Variants in WNK2 observed in about 807,000 individuals in gnomAD.
The protein encoded by WNK2 is serine/threonine-protein kinase WNK2.
In WNK2, 67 loss-of-function variants were observed where a neutral mutation model predicts 192.1. The ratio of observed to expected loss-of-function variants is 0.35; its 90% CI spans 0.29 to 0.43. WNK2 has a LOEUF of 0.43. Among genes scored for constraint, WNK2 ranks in the 20% least tolerant of loss-of-function variants. WNK2 has a pLI of 1.00. For synonymous variants in WNK2, 1,439 were observed against 1,393.9 expected, an observed-to-expected ratio of 1.03 and a Z score of -0.72; for missense variants, 2,698 against 3,089.7, an observed-to-expected ratio of 0.87 and a Z score of 3.01.
chr9:93,231,667 G>C (rs867647132), intron 4 of WNK2, among the ~76,000 whole-genome samples: 1 of 152,234 alleles, frequency 6.6e-6, no homozygotes, highest in African/African-American at 2.4e-5. Context: ...CAGAGCAGGC[G>C]TTGTGCACAG....
intron 2 of WNK2, among the ~76,000 whole-genome samples, chr9:93,196,206 A>G (rs1831247063): frequency 1.3e-5 from 2 of 152,004 alleles, no homozygotes; most frequent in Non-Finnish European, 2.9e-5. Context: ...GTGGAGGGTC[A>G]CGGGCTCCCT....
At position 93,259,566 on chromosome 9, in the gene WNK2, G is replaced by A. The variant is rs150228351; in HGVS notation, c.3018G>A (p.Gln1006=). The change falls in exon 12 of 30, where the codon CAG becomes CAA. Residue 1006 remains glutamine, a synonymous_variant. Transcript: ENST00000427277. The surrounding 1 kb of genome is among the most constrained non-coding windows in gnomAD (Gnocchi z 4.8). The part of the protein sequence containing the change: ...PALPVRPEPL[Q]PHLPEQAAPA... Reference sequence around the variant, plus strand: ...TGCCTGTGCGCCCTGAGCCCCTCCAGCCCCACCTTCCTGAACAAGCTGCTC... The same window carrying A: ...TGCCTGTGCGCCCTGAGCCCCTCCAACCCCACCTTCCTGAACAAGCTGCTC... The A allele has an allele frequency of 4.0e-5, 63 of 1,593,504 alleles. No homozygotes were observed. The highest frequency in any genetic ancestry group is 5.2e-5 in the Non-Finnish European group (61 of 1,176,970).
intron 25 of WNK2, among the ~76,000 whole-genome samples, chr9:93,299,681 C>A (rs1169673548): frequency 6.6e-6 from 1 of 152,098 alleles, no homozygotes; most frequent in Non-Finnish European, 1.5e-5. Context: ...GACGAGGGCA[C>A]AGCTTTCGAG....
chr9:93,229,606 C>T lies in WNK2; in HGVS notation c.682-90C>T. On this transcript the variant is annotated intron_variant, in intron 2 of 29. Transcript: ENST00000427277. This position sits in a 1 kb window ranked among gnomAD's most constrained non-coding sequence, Gnocchi z 4.9. The stretch of plus-strand genomic sequence containing the variant: ...GCCTGTGGGTATGGGAAGGGCTGGT[C>T]CTACTGTGTGGCGCTGCTGGGATGT... 6.9e-7 allele frequency: 1 copy of T among 1,443,406 alleles called. No homozygotes were observed. Among genetic ancestry groups the T allele is most frequent in the Non-Finnish European group, 9.3e-7 (1 of 1,070,006 alleles). 89.4% of individuals were successfully genotyped at this position (1,443,406 alleles called of 1,614,324 possible). A position where few individuals can be genotyped will look rare whatever the true frequency, so the allele number is the denominator to read the frequency against.
Position 93,247,864 on chromosome 9 carries a change from G to A in WNK2, c.1834+30G>A, listed in dbSNP as rs1179664031. The A allele has an allele frequency of 1.3e-6, 2 of 1,529,068 alleles. No individual in the cohort carries two copies. The highest frequency in any genetic ancestry group is 1.7e-6 in the Non-Finnish European group (2 of 1,143,732). 94.7% of individuals were successfully genotyped at this position (1,529,068 alleles called of 1,614,324 possible). A position where few individuals can be genotyped will look rare whatever the true frequency, so the allele number is the denominator to read the frequency against. Reference sequence around the variant, plus strand: ...GTGCTCAGGGGTGGGATGGCCATGGGCACCCCTCCCACCTACCCTGCAAAA... The same window carrying A: ...GTGCTCAGGGGTGGGATGGCCATGGACACCCCTCCCACCTACCCTGCAAAA... On this transcript the variant is annotated intron_variant, in intron 8 of 29. Coordinates refer to ENST00000427277, the MANE Select transcript of WNK2 (RefSeq NM_006648.4). The surrounding 1 kb of genome is among the most constrained non-coding windows in gnomAD (Gnocchi z 5.2).
chr9:93,213,045 G>C (rs965282817), intron 2 of WNK2, among the ~76,000 whole-genome samples: 1 of 133,472 alleles, frequency 7.5e-6, no homozygotes, highest in African/African-American at 2.5e-5. Flanking sequence ...CCTCATTTGT[G>C]TATCAGCCTA....
rs1313092186 is a variant in WNK2 at position 93,225,937 on chromosome 9, TTGTGTTGTGTTGTATTG to T, written c.682-3749_682-3733del. ...TTATGTTGTGTTGTGTTGTGTTGTG[TTGTGTTGTGTTGTATTG>T]TGTGTTGTGGAAACATTTCTTCCAG... is the stretch of plus-strand genomic sequence containing the variant. On this transcript the variant is annotated intron_variant, in intron 2 of 29. Coordinates refer to ENST00000427277, the MANE Select transcript of WNK2 (RefSeq NM_006648.4). Among the ~76,000 whole-genome samples, 7 of 152,050 alleles carry T rather than the reference TTGTGTTGTGTTGTATTG, an allele frequency of 4.6e-5. No individual in the cohort carries two copies. The East Asian group carries it at 1.3e-3, about 29-fold the overall frequency.
Position 93,320,487 on chromosome 9 carries a change from T to G in WNK2, c.*95T>G. The G allele has an allele frequency of 8.0e-6, 10 of 1,252,512 alleles. No homozygotes were observed. Among genetic ancestry groups the G allele is most frequent in the Non-Finnish European group, 1.1e-5 (10 of 924,942 alleles). 77.6% of individuals were successfully genotyped at this position (1,252,512 alleles called of 1,614,324 possible). A position where few individuals can be genotyped will look rare whatever the true frequency, so the allele number is the denominator to read the frequency against. On this transcript the variant is annotated 3_prime_UTR_variant, in exon 30 of 30. Coordinates refer to ENST00000427277, the MANE Select transcript of WNK2 (RefSeq NM_006648.4). The stretch of plus-strand genomic sequence containing the variant: ...CTCCTCCTGTCCAGTTCACGCTGTT[T>G]TGTAACCACTTTCTAAGCATTTTTT...
intron 2 of WNK2, among the ~76,000 whole-genome samples, chr9:93,219,478 G>C (rs976782664): frequency 1.3e-4 from 20 of 152,258 alleles, no homozygotes; most frequent in African/African-American, 4.6e-4. Flanking sequence ...TCCCCTCAGA[G>C]ACCCCTAGTG....
At chr9:93,317,020 C>A in intron 28 of WNK2, 1 of 178,448 alleles carries the variant, frequency 5.6e-6, no homozygotes, top group Non-Finnish European at 1.2e-5. Flanking sequence ...CTTCCTGGGG[C>A]ACACCCCGCA....
Position 93,259,131 on chromosome 9 carries a change from G to A in WNK2, c.2583G>A (p.Leu861=). ...CCTTGCCTCTGCAGGCTGTGAAGCT[G>A]CCCCACCCCCCTGGGGCGCCCCTGG... ...SPALPLQAVK[L]PHPPGAPLAM... is the part of the protein sequence containing the mutation. Residue 861 remains leucine (L), a synonymous_variant, in exon 12 of 30, where the codon CTG becomes CTA. Transcript: ENST00000427277. The surrounding 1 kb of genome is among the most constrained non-coding windows in gnomAD (Gnocchi z 4.8). 6.2e-7 allele frequency: 1 copy of A among 1,611,250 alleles called. No individual in the cohort carries two copies. Among genetic ancestry groups the A allele is most frequent in the Non-Finnish European group, 8.5e-7 (1 of 1,179,194 alleles).
chr9:93,261,637 T>C (rs906782607), intron 12 of WNK2, among the ~76,000 whole-genome samples, 177 bp from the exon 13 acceptor site: 3 of 152,198 alleles, frequency 2.0e-5, no homozygotes, highest in Non-Finnish European at 4.4e-5. Flanking sequence ...TTCCTGTTTG[T>C]TTCTGCTCAC....
chr9:93,299,396 G>T, intron 25 of WNK2, 135 bp downstream of exon 25: 1 of 871,988 alleles, frequency 1.1e-6, no homozygotes, highest in Non-Finnish European at 1.6e-6. Context: ...CTTTTAAAAA[G>T]GATAAAAAAA....
chr9:93,318,161 A>T (rs990274961), intron 29 of WNK2: 2 of 1,500,648 alleles, frequency 1.3e-6, no homozygotes, highest in Admixed American at 2.3e-5. Flanking sequence ...AAGATATGTT[A>T]AAAAAAATTA....
chr9:93,252,966 C>T lies in WNK2; in HGVS notation c.1918C>T (p.Leu640Phe). ...CCAGCAGAGCGTGATGCTTGGCTCCCTTGCCGACGCAGCGCCGTCCCCGGC... is the reference window on the plus strand; with the variant it reads ...CCAGCAGAGCGTGATGCTTGGCTCCTTTGCCGACGCAGCGCCGTCCCCGGC... ...SSQQSVMLGS[L>F]ADAAPSPAQC... The change falls in exon 9 of 30, where the codon CTT becomes TTT. Residue 640 changes from leucine to phenylalanine, a missense_variant. Coordinates refer to ENST00000427277, the MANE Select transcript of WNK2 (RefSeq NM_006648.4). The T allele has an allele frequency of 6.3e-7, 1 of 1,575,242 alleles. No homozygotes were observed. The highest frequency in any genetic ancestry group is 8.6e-7 in the Non-Finnish European group (1 of 1,161,682).
intron 19 of WNK2, among the ~76,000 whole-genome samples, chr9:93,274,247 G>A (rs1846409894): frequency 6.6e-6 from 1 of 152,194 alleles, no homozygotes; most frequent in African/African-American, 2.4e-5. Context: ...ATAAGGCCGG[G>A]TGCAGTGGCT....
intron 27 of WNK2, 97 bp downstream of exon 27, chr9:93,306,918 G>C: frequency 6.6e-7 from 1 of 1,517,010 alleles, no homozygotes. Context: ...GCGGGCGTGG[G>C]CCTGCCCTGT....
chr9:93,197,425 A>G (rs190018994), intron 2 of WNK2, among the ~76,000 whole-genome samples: 1 of 152,250 alleles, frequency 6.6e-6, no homozygotes. Context: ...AATCCAGAAC[A>G]GTCCCTCTGC....
At chr9:93,277,507 A>C (rs1386277204) in intron 19 of WNK2, among the ~76,000 whole-genome samples, 1 of 152,216 alleles carries the variant, frequency 6.6e-6, no homozygotes, top group Admixed American at 6.5e-5. Context: ...TGGTACTTTG[A>C]AAAAGAAATA....
Sources: gnomAD v4.1 joint callset for allele counts (sites outside exome capture counted in the v4.1 genomes callset) on GRCh38, gnomAD v4.1.1 for gene constraint, Gnocchi (gnomAD v3.1) non-coding constraint, MANE v1.5 for transcripts, NCBI Gene and HGNC (gene_info 2026-07-23, HGNC 2026-07-21) for gene names.